MBP: variants seen among roughly 807,000 people sequenced by gnomAD.
The protein encoded by MBP is myelin basic protein.
A neutral mutation model predicts 35.8 loss-of-function variants in MBP; 16 were observed. The ratio of observed to expected loss-of-function variants is 0.45; its 90% CI spans 0.30 to 0.68. The LOEUF is 0.68. Among genes scored for constraint, MBP ranks in the 30% least tolerant of loss-of-function variants. The pLI is 0.08. For missense variants in MBP, 380 were observed against 404.7 expected, an observed-to-expected ratio of 0.94 and a Z score of 0.52; for synonymous variants, 143 against 159.6, an observed-to-expected ratio of 0.90 and a Z score of 0.78.
chr18:77,070,691 C>T (rs1299302072), intron 2 of MBP, among the ~76,000 whole-genome samples: 1 of 152,146 alleles, frequency 6.6e-6, no homozygotes, highest in East Asian at 1.9e-4. Context: ...TCAGTGTGGC[C>T]CTGCACGGGG....
At chr18:77,028,923 T>A (rs1972398692) in intron 3 of MBP, among the ~76,000 whole-genome samples, 3 of 104,164 alleles carry the variant, frequency 2.9e-5, no homozygotes, top group Non-Finnish European at 7.0e-5. Flanking sequence ...CTCTCCTCAC[T>A]TTCCAGACTG....
At chr18:77,076,416 C>T (rs1188315171) in intron 2 of MBP, among the ~76,000 whole-genome samples, 1 of 152,246 alleles carries the variant, frequency 6.6e-6, no homozygotes, top group Non-Finnish European at 1.5e-5. Flanking sequence ...AGTTTTTCAG[C>T]AGCTTCCCCT....
intron 1 of MBP, among the ~76,000 whole-genome samples, chr18:77,107,562 G>A (rs1976318840): frequency 6.6e-6 from 1 of 152,214 alleles, no homozygotes; most frequent in South Asian, 2.1e-4. Context: ...GGTAGACAAA[G>A]AGAGCTATTT....
At chr18:77,129,538 A>G (rs1353697977) in intron 1 of MBP, among the ~76,000 whole-genome samples, 1 of 152,202 alleles carries the variant, frequency 6.6e-6, no homozygotes, top group East Asian at 1.9e-4. Flanking sequence ...AAGCCTGTCC[A>G]CTACAGGTTT....
intron 4 of MBP, among the ~76,000 whole-genome samples, chr18:77,011,517 G>C (rs1971349015): frequency 6.6e-6 from 1 of 152,216 alleles, no homozygotes; most frequent in Non-Finnish European, 1.5e-5. Context: ...TACTCATGGG[G>C]AAGGCAGGTG....
At chr18:77,008,371 AC>A (rs1385380742) in intron 4 of MBP, among the ~76,000 whole-genome samples, 1 of 151,918 alleles carries the variant, frequency 6.6e-6, no homozygotes, top group African/African-American at 2.4e-5. Context: ...AGGACGGGGG[AC>A]CCTCAGAAAC....
At chr18:77,119,707 A>G (rs12326360) in intron 1 of MBP, among the ~76,000 whole-genome samples, 17,438 of 152,258 alleles carry the variant, frequency 0.11, 1,171 homozygotes, top group South Asian at 0.21. Context: ...GGCTCCTCCC[A>G]GAAAACCGAA....
At chr18:77,080,859 T>G (rs952047386) in intron 2 of MBP, among the ~76,000 whole-genome samples, 6 of 152,008 alleles carry the variant, frequency 3.9e-5, no homozygotes, top group African/African-American at 1.5e-4. Flanking sequence ...ACTGTTGTAT[T>G]TTTAGTAGAG....
At chr18:76,981,334 T>A (rs470555) in intron 8 of MBP, 97,002 of 152,126 alleles carry the variant, frequency 0.64, 31,040 homozygotes, top group Middle Eastern at 0.69. Flanking sequence ...GAAAGCAAGA[T>A]AGAAAAGAAA....
chr18:76,990,017 G>C lies in MBP; in HGVS notation c.620C>G (p.Pro207Arg). Residue 207 changes from proline to arginine, a missense_variant, in exon 5 of 9, where the codon CCC becomes CGC. Physicochemically the swap from Pro to Arg is moderately radical, Grantham distance 103. Coordinates refer to ENST00000355994, the MANE Select transcript of MBP (RefSeq NM_001025101.2). ...TTGGGTCCGGCCGTGTGACTTCTGG[G>C]GCAGGGAGCCGTAGTGAGCAGTTCT... ...PARTAHYGSL[P>R]QKSHGRTQDE... is the part of the protein sequence containing the mutation. The C allele has an allele frequency of 6.2e-7, 1 of 1,613,112 alleles. No homozygotes were observed. The highest frequency in any genetic ancestry group is 1.3e-5 in the African/African-American group (1 of 75,002).
intron 3 of MBP, among the ~76,000 whole-genome samples, chr18:77,057,554 G>A (rs1376541262): frequency 1.3e-5 from 2 of 151,468 alleles, no homozygotes; most frequent in Non-Finnish European, 2.9e-5. Context: ...GACAAGGACT[G>A]TGTGTGAAGA....
chr18:77,042,307 GTC>G (rs1447415551), intron 3 of MBP, among the ~76,000 whole-genome samples: 1 of 145,522 alleles, frequency 6.9e-6, no homozygotes, highest in African/African-American at 2.8e-5. Flanking sequence ...CTGACTCTCA[GTC>G]TCCCCAGGGG....
At chr18:77,003,047 G>T (rs1308567020) in intron 4 of MBP, 1 of 152,172 alleles carries the variant, frequency 6.6e-6, no homozygotes, top group East Asian at 1.9e-4. Flanking sequence ...AAATAATTGG[G>T]AACTAATTTT....
At chr18:76,985,149 C>T (rs528458268) in intron 7 of MBP, 227 of 1,525,920 alleles carry the variant, frequency 1.5e-4, no homozygotes, top group Admixed American at 6.8e-4. Context: ...ATGAGATATG[C>T]GGCCCAACCA....
intron 3 of MBP, among the ~76,000 whole-genome samples, chr18:77,026,749 C>A (rs756967112): frequency 3.9e-5 from 6 of 152,014 alleles, no homozygotes; most frequent in Non-Finnish European, 5.9e-5. Flanking sequence ...ACCTGTAGTC[C>A]CAGCTCCTCA....
intron 4 of MBP, 89 bp from the exon 5 acceptor site, chr18:76,990,149 T>C: frequency 1.3e-6 from 1 of 776,066 alleles, no homozygotes; most frequent in Non-Finnish European, 2.1e-6. Flanking sequence ...TCCTCCTTTG[T>C]AATCTGGATT....
At chr18:77,009,866 G>T in intron 4 of MBP, 1 of 1,591,640 alleles carries the variant, frequency 6.3e-7, no homozygotes, top group Admixed American at 1.7e-5. Context: ...ATGTTGCACA[G>T]CCCAGGCTGG....
Position 77,101,490 on chromosome 18 carries a change from G to C in MBP, c.51+3721C>G, listed in dbSNP as rs1430522388. On this transcript the variant is annotated intron_variant, in intron 2 of 8. Coordinates refer to ENST00000355994, the MANE Select transcript of MBP (RefSeq NM_001025101.2). This position sits in a 1 kb window ranked among gnomAD's most constrained non-coding sequence, Gnocchi z 4.3. ...CACTCCATCCGCATGAGTGAATCAT[G>C]AGTCAGGAGGGCAGGCTGCCCACTC... 4.6e-5 allele frequency among the ~76,000 whole-genome samples: 7 copies of C among 152,190 alleles called. No individual in the cohort carries two copies. Among genetic ancestry groups the C allele is most frequent in the Admixed American group, 4.6e-4 (7 of 15,284 alleles).
chr18:77,043,520 C>T (rs1274035537), intron 3 of MBP, among the ~76,000 whole-genome samples: 1 of 152,198 alleles, frequency 6.6e-6, no homozygotes, highest in East Asian at 1.9e-4. Context: ...GGTAGCTCTG[C>T]TGCAGGCACC....
Sources: gnomAD v4.1 joint callset for allele counts (sites outside exome capture counted in the v4.1 genomes callset) on GRCh38, gnomAD v4.1.1 for gene constraint, Gnocchi (gnomAD v3.1) non-coding constraint, MANE v1.5 for transcripts, NCBI Gene and HGNC (gene_info 2026-07-23, HGNC 2026-07-21) for gene names.